The following LDHB variants were observed in gnomAD, a reference collection of about 807,000 sequenced individuals.
The protein encoded by LDHB is lactate dehydrogenase B, also known as L-lactate dehydrogenase B chain.
In LDHB, 18 loss-of-function variants were observed where a neutral mutation model predicts 33.4. That is an observed-to-expected ratio of 0.54 (90% CI 0.37 to 0.80). The LOEUF is 0.80. Ranked by LOEUF, LDHB falls within the 30% of genes least tolerant of loss-of-function variation. The pLI is 0.00. For missense variants in LDHB, 345 were observed against 407.9 expected (o/e 0.85, Z 1.33); for synonymous variants, 121 against 140.6 (o/e 0.86, Z 0.98).
rs756147677 is a variant in LDHB at position 21,647,025 on chromosome 12, G to C, written c.130-9C>G. On this transcript the variant is annotated splice_polypyrimidine_tract_variant and intron_variant, in intron 2 of 7. Transcript: ENST00000350669. ...AGTTCATCAGCCAGAGACTGTAAAC[G>C]CAAAAACAGGCATTAGAACCCTAAG... The C allele has an allele frequency of 6.4e-7, 1 of 1,557,110 alleles. No homozygotes were observed. Among genetic ancestry groups the C allele is most frequent in the Non-Finnish European group, 8.9e-7 (1 of 1,128,860 alleles).
intron 2 of LDHB, among the ~76,000 whole-genome samples, chr12:21,649,285 T>A (rs1158472987): frequency 6.6e-6 from 1 of 152,184 alleles, no homozygotes; most frequent in Non-Finnish European, 1.5e-5. Flanking sequence ...GAAGTGCATA[T>A]TCGGCTGAAA....
intron 6 of LDHB, among the ~76,000 whole-genome samples, chr12:21,638,026 AC>A (rs1393734297): frequency 6.6e-6 from 1 of 152,048 alleles, no homozygotes; most frequent in Non-Finnish European, 1.5e-5. Context: ...CAATTATGAA[AC>A]CAATAGTTTC....
At chr12:21,641,856 C>T in intron 5 of LDHB, 96 bp downstream of exon 5, 3 of 1,084,542 alleles carry the variant, frequency 2.8e-6, no homozygotes, top group Non-Finnish European at 4.1e-6. Flanking sequence ...TTCTTAAGTA[C>T]ATCAAAGTCT....
chr12:21,646,303 C>A (rs930321441), intron 3 of LDHB, among the ~76,000 whole-genome samples: 1 of 152,174 alleles, frequency 6.6e-6, no homozygotes, highest in African/African-American at 2.4e-5. Flanking sequence ...AGAATGCATT[C>A]AAACTTTCAT....
At chr12:21,647,037 A>T in intron 2 of LDHB, 21 bp from the exon 3 acceptor site, 1 of 1,480,384 alleles carries the variant, frequency 6.8e-7, no homozygotes, top group Non-Finnish European at 9.4e-7. Context: ...AAAAACAGGC[A>T]TTAGAACCCT....
chr12:21,650,151 C>CACACACACATATAT (rs142403823), intron 2 of LDHB, among the ~76,000 whole-genome samples: 21 of 32,758 alleles, frequency 6.4e-4, no homozygotes, highest in East Asian at 1.9e-3. Flanking sequence ...CACACACACA[C>CACACACACATATAT]GTCTCTCTCT....
chr12:21,646,921 T>C lies in LDHB; in HGVS notation c.225A>G (p.Thr75=). 1 of 1,609,424 alleles carries C rather than the reference T, an allele frequency of 6.2e-7. No homozygotes were observed. The highest frequency in any genetic ancestry group is 8.5e-7 in the Non-Finnish European group (1 of 1,175,862). ...DLQHGSLFLQ[T]PKIVADKDYS... is the part of the protein sequence containing the mutation. ...TACCTTTATCTGCCACAATTTTAGG[T>C]GTCTGAAGAAATAAGCTCCCATGCT... Residue 75 remains threonine, a synonymous_variant, in exon 3 of 8, where the codon ACA becomes ACG. Coordinates refer to ENST00000350669, the MANE Select transcript of LDHB (RefSeq NM_002300.8).
At chr12:21,650,463 T>C (rs1278230535) in intron 2 of LDHB, among the ~76,000 whole-genome samples, 3 of 152,226 alleles carry the variant, frequency 2.0e-5, no homozygotes, top group Non-Finnish European at 2.9e-5. Context: ...TGTTATATAC[T>C]GTGTTTGTCC....
intron 2 of LDHB, among the ~76,000 whole-genome samples, chr12:21,650,138 A>AT (rs1938643699): frequency 6.7e-6 from 1 of 149,160 alleles, no homozygotes; most frequent in African/African-American, 2.5e-5. Context: ...ACACACACAC[A>AT]CACACACACA....
At chr12:21,636,393 T>G (rs1216727055) in intron 7 of LDHB, among the ~76,000 whole-genome samples, 1 of 151,612 alleles carries the variant, frequency 6.6e-6, no homozygotes, top group Non-Finnish European at 1.5e-5. Context: ...CCAGTTCGTG[T>G]GGGTAATTTA....
chr12:21,654,122 T>C lies in LDHB; in HGVS notation c.129+421A>G, dbSNP rs74960772. ...CATTCTGCAGAACTCACCTGGATGC[T>C]AGAAAAATGTCAATGACACAAGAAA... On this transcript the variant is annotated intron_variant, in intron 2 of 7. Coordinates refer to ENST00000350669, the MANE Select transcript of LDHB (RefSeq NM_002300.8). Among the ~76,000 whole-genome samples the C allele has an allele frequency of 3.9e-5, 6 of 152,264 alleles. No homozygotes were observed. The East Asian group carries it at 1.2e-3, about 29-fold the overall frequency.
rs888979106 is a variant in LDHB, at chr12:21,635,748, C to G, written c.838-39G>C. On this transcript the variant is annotated intron_variant, in intron 7 of 7. Transcript: ENST00000350669. The stretch of plus-strand genomic sequence containing the variant: ...AAAGCATCGAGATTAAGACATGAAA[C>G]TGTAAGTAAAAATGATCAAAGACAG... 9 of 1,595,016 alleles carry G rather than the reference C, an allele frequency of 5.6e-6. No individual in the cohort carries two copies. In the Admixed American group the frequency reaches 1.2e-4, roughly 21 times the overall value.
At chr12:21,649,422 G>C (rs1242193937) in intron 2 of LDHB, among the ~76,000 whole-genome samples, 13 of 152,186 alleles carry the variant, frequency 8.5e-5, no homozygotes, top group Admixed American at 8.5e-4. Context: ...CTATTGTTTG[G>C]CTTAAATAAA....
At chr12:21,655,453 A>G (rs1938815453) in intron 1 of LDHB, among the ~76,000 whole-genome samples, 1 of 152,234 alleles carries the variant, frequency 6.6e-6, no homozygotes, top group Non-Finnish European at 1.5e-5. Flanking sequence ...CTTGGAAGAT[A>G]GGGACTGATT....
intron 2 of LDHB, among the ~76,000 whole-genome samples, chr12:21,649,712 G>C (rs1056817739): frequency 6.6e-6 from 1 of 152,092 alleles, no homozygotes; most frequent in Non-Finnish European, 1.5e-5. Flanking sequence ...GTGTGGACCA[G>C]ACACAGCCAT....
chr12:21,643,728 G>T, intron 4 of LDHB: 1 of 563,022 alleles, frequency 1.8e-6, no homozygotes, highest in African/African-American at 1.9e-5. Context: ...AATTGCTTTA[G>T]CTAAAACTCT....
In LDHB at chr12:21,643,955, A is replaced by G. The variant is rs1254869106; in HGVS notation, c.401T>C (p.Ile134Thr). The stretch of plus-strand genomic sequence containing the variant: ...AATACCTGGGTTGGAAACCACAATT[A>G]TGATGCAATCAGGACTGTACTTGAC... ...QIVKYSPDCI[I>T]IVVSNPVDIL... The change falls in exon 4 of 8, where the codon ATA (isoleucine) becomes ACA (threonine). Residue 134 changes from isoleucine (I) to threonine (T), a missense_variant. Transcript: ENST00000350669. The G allele has an allele frequency of 3.1e-6, 5 of 1,611,828 alleles. No individual in the cohort carries two copies. The South Asian group carries it at 5.5e-5, about 18-fold the overall frequency.
At chr12:21,639,922 T>C (rs1259496577) in intron 5 of LDHB, among the ~76,000 whole-genome samples, 1 of 152,014 alleles carries the variant, frequency 6.6e-6, no homozygotes, top group Non-Finnish European at 1.5e-5. Context: ...AAATAAATTA[T>C]GCTACAACTT....
At chr12:21,648,636 A>T (rs1003536182) in intron 2 of LDHB, among the ~76,000 whole-genome samples, 2 of 152,180 alleles carry the variant, frequency 1.3e-5, no homozygotes, top group African/African-American at 4.8e-5. Context: ...GGGCCACCAG[A>T]CGGAGATGCA....
Sources: allele counts gnomAD v4.1 joint callset (sites outside exome capture counted in the v4.1 genomes callset), GRCh38; gene constraint gnomAD v4.1.1; transcripts MANE v1.5; gene names NCBI Gene and HGNC (gene_info 2026-07-23, HGNC 2026-07-21).